The following CHSY3 variants were observed in gnomAD, a reference collection of about 807,000 sequenced individuals.
CHSY3 encodes the protein N-acetylgalactosaminyl-proteoglycan 3-beta-glucuronosyltransferase 3.
A neutral mutation model predicts 67.2 loss-of-function variants in CHSY3; 35 were observed. That is an observed-to-expected ratio of 0.52 (90% CI 0.40 to 0.69). The LOEUF is 0.69. CHSY3 is among the 30% of genes least tolerant of loss of function. The pLI, the probability that CHSY3 is intolerant of heterozygous loss-of-function variation, is 0.00. For synonymous variants in CHSY3, 474 were observed against 434.7 expected (o/e 1.09, Z -1.12); for missense variants, 1,069 against 1,138.5 (o/e 0.94, Z 0.88).
At chr5:129,940,629 CT>C (rs757140521) in intron 2 of CHSY3, among the ~76,000 whole-genome samples, 1 of 151,836 alleles carries the variant, frequency 6.6e-6, no homozygotes, top group Admixed American at 6.6e-5. Flanking sequence ...TAAAATTTCA[CT>C]ATTATAAAAA....
chr5:130,100,271 GCCT>G (rs1372638081), intron 2 of CHSY3, among the ~76,000 whole-genome samples: 1 of 151,904 alleles, frequency 6.6e-6, no homozygotes, highest in African/African-American at 2.4e-5. Flanking sequence ...AAGCTCTGCT[GCCT>G]CCCGGGTTCA....
chr5:130,127,959 C>T (rs1044752761), intron 2 of CHSY3, among the ~76,000 whole-genome samples: 2 of 152,108 alleles, frequency 1.3e-5, no homozygotes, highest in Non-Finnish European at 2.9e-5. Flanking sequence ...ATTATTACTG[C>T]TTCACTGACA....
intron 2 of CHSY3, among the ~76,000 whole-genome samples, chr5:129,961,730 T>C (rs534660106): frequency 6.6e-6 from 1 of 152,088 alleles, no homozygotes; most frequent in Non-Finnish European, 1.5e-5. Context: ...ACAATTTGAG[T>C]AACCTTTAAG....
chr5:129,966,770 C>T (rs1417683381), intron 2 of CHSY3, among the ~76,000 whole-genome samples: 1 of 151,448 alleles, frequency 6.6e-6, no homozygotes, highest in Non-Finnish European at 1.5e-5. Context: ...TATCAGTTTT[C>T]CTAAAGTGGG....
At chr5:130,123,002 C>T (rs913732453) in intron 2 of CHSY3, among the ~76,000 whole-genome samples, 2 of 151,170 alleles carry the variant, frequency 1.3e-5, no homozygotes, top group Non-Finnish European at 2.9e-5. Context: ...ATTCTTGAAA[C>T]AAATATTTTA....
chr5:130,132,825 TC>T (rs1467806262), intron 2 of CHSY3, among the ~76,000 whole-genome samples: 1 of 152,104 alleles, frequency 6.6e-6, no homozygotes, highest in Non-Finnish European at 1.5e-5. Flanking sequence ...CCAGGATGTT[TC>T]TCTTCACACA....
At chr5:129,921,398 T>A (rs1330523104) in intron 2 of CHSY3, among the ~76,000 whole-genome samples, 1 of 152,194 alleles carries the variant, frequency 6.6e-6, no homozygotes, top group Non-Finnish European at 1.5e-5. Context: ...ATCCACTAGA[T>A]AAAGAGACGA....
intron 2 of CHSY3, among the ~76,000 whole-genome samples, chr5:130,129,075 G>A (rs958139069): frequency 5.3e-5 from 8 of 152,016 alleles, no homozygotes; most frequent in Non-Finnish European, 1.2e-4. Flanking sequence ...AACTAGGGTG[G>A]ACACAGAAAG....
At chr5:130,173,738 C>T (rs1161194407) in intron 2 of CHSY3, among the ~76,000 whole-genome samples, 6 of 152,030 alleles carry the variant, frequency 3.9e-5, no homozygotes, top group African/African-American at 1.4e-4. Flanking sequence ...TGTATACGCT[C>T]TTTAACATGT....
intron 2 of CHSY3, among the ~76,000 whole-genome samples, chr5:130,123,076 GAA>G (rs33932765): frequency 3.5e-4 from 52 of 147,506 alleles, no homozygotes; most frequent in African/African-American, 1.1e-3. Context: ...TAAGGTGCAA[GAA>G]AAAAAAAAAC....
intron 2 of CHSY3, among the ~76,000 whole-genome samples, chr5:130,125,444 T>C (rs539658823): frequency 6.6e-6 from 1 of 151,792 alleles, no homozygotes; most frequent in African/African-American, 2.4e-5. Flanking sequence ...GATAGATAGA[T>C]AGATAGATAG....
At chr5:129,911,388 C>T (rs1024928470) in intron 2 of CHSY3, among the ~76,000 whole-genome samples, 2 of 152,116 alleles carry the variant, frequency 1.3e-5, no homozygotes, top group Non-Finnish European at 2.9e-5. Flanking sequence ...GTTTAATTGT[C>T]TTTTGCAAGT....
chr5:129,905,385 AGCCGCGCGCTG>A lies in CHSY3; in HGVS notation c.564_574del (p.Leu189AlafsTer63). 1 of 1,599,880 alleles carries A rather than the reference AGCCGCGCGCTG, an allele frequency of 6.3e-7. No homozygotes were observed. The highest frequency in any genetic ancestry group is 8.5e-7 in the Non-Finnish European group (1 of 1,175,086). ...GATGACCGCGCAGAAGTACCTGGGC[AGCCGCGCGCTG>A]GCCGCGCAGCGGACCTGGGCGCGTT... is the stretch of plus-strand genomic sequence containing the variant. On this transcript the variant is annotated frameshift_variant, in exon 1 of 3. Coordinates refer to ENST00000305031, the MANE Select transcript of CHSY3 (RefSeq NM_175856.5). LOFTEE classifies it high-confidence loss of function.
At chr5:129,917,090 C>G (rs1760754344) in intron 2 of CHSY3, among the ~76,000 whole-genome samples, 1 of 152,160 alleles carries the variant, frequency 6.6e-6, no homozygotes, top group African/African-American at 2.4e-5. Flanking sequence ...TTGAATCACA[C>G]AAATAACTAG....
At chr5:130,010,311 A>G (rs1764018009) in intron 2 of CHSY3, among the ~76,000 whole-genome samples, 1 of 152,188 alleles carries the variant, frequency 6.6e-6, no homozygotes, top group South Asian at 2.1e-4. Flanking sequence ...CAAAATTATA[A>G]CTCAATTACA....
rs1308273532 is a variant in CHSY3 at position 129,905,314 on chromosome 5, C to A, written c.485C>A (p.Ala162Asp). 1 of 1,515,036 alleles carries A rather than the reference C, an allele frequency of 6.6e-7. No homozygotes were observed. 93.8% of individuals were successfully genotyped at this position (1,515,036 alleles called of 1,614,324 possible). A position where few individuals can be genotyped will look rare whatever the true frequency, so the allele number is the denominator to read the frequency against. ...CACAACGGCAGCGGGGACGGGGGCG[C>A]TGCCGCCCCGAGCGCCCGACCCCGG... ...SSHNGSGDGG[A>D]AAPSARPRDF... The change falls in exon 1 of 3, where the codon GCT becomes GAT. Residue 162 changes from alanine to aspartate, a missense_variant. Physicochemically the swap from Ala to Asp is moderately radical, Grantham distance 126 (BLOSUM62 -2). This residue lies in a region of CHSY3 where 309 missense variants were observed against 262.5 expected (regional missense o/e 1.18). Transcript: ENST00000305031.
chr5:130,079,098 C>T (rs1234073733), intron 2 of CHSY3, among the ~76,000 whole-genome samples: 5 of 152,080 alleles, frequency 3.3e-5, no homozygotes, highest in Non-Finnish European at 7.4e-5. Context: ...TCAAGAGCTC[C>T]TGTATTTGAA....
At chr5:130,126,871 G>A (rs1274275125) in intron 2 of CHSY3, among the ~76,000 whole-genome samples, 7 of 152,184 alleles carry the variant, frequency 4.6e-5, no homozygotes, top group Admixed American at 2.0e-4. Context: ...CTTTCCTTTG[G>A]TTCATACCCC....
At chr5:129,921,134 A>C (rs1760910708) in intron 2 of CHSY3, among the ~76,000 whole-genome samples, 1 of 152,072 alleles carries the variant, frequency 6.6e-6, no homozygotes, top group Non-Finnish European at 1.5e-5. Context: ...TTTTTTCTTA[A>C]GTCCAGAACT....
Sources: allele counts gnomAD v4.1 joint callset (sites outside exome capture counted in the v4.1 genomes callset), GRCh38; gene constraint gnomAD v4.1.1; regional missense constraint gnomAD v4.1.1; transcripts MANE v1.5; gene names NCBI Gene and HGNC (gene_info 2026-07-23, HGNC 2026-07-21).